The following TUBB6 variants were observed in gnomAD, a reference collection of about 807,000 sequenced individuals.
The protein encoded by TUBB6 is tubulin beta-6 chain.
TUBB6 carries 18 observed loss-of-function variants against 32.3 expected under a neutral mutation model. The ratio of observed to expected loss-of-function variants is 0.56; its 90% CI spans 0.39 to 0.83. The LOEUF is 0.83. TUBB6 is among the 40% of genes least tolerant of loss of function. The probability of loss-of-function intolerance (pLI) is 0.00; values close to 1 mark genes in which losing one functional copy is unlikely to be tolerated. For missense variants in TUBB6, 480 were observed against 632.0 expected (o/e 0.76, Z 2.58); for synonymous variants, 280 against 265.8 (o/e 1.05, Z -0.52).
intron 3 of TUBB6, chr18:12,324,703 G>A: frequency 1.9e-6 from 2 of 1,049,812 alleles, no homozygotes; most frequent in Non-Finnish European, 2.4e-6. Flanking sequence ...CACCCGCCTC[G>A]GCCTCCCAAA....
chr18:12,320,982 G>A (rs1906958175), intron 3 of TUBB6, among the ~76,000 whole-genome samples: 2 of 152,168 alleles, frequency 1.3e-5, no homozygotes, highest in African/African-American at 4.8e-5. Context: ...TGCAACTCAG[G>A]TGTTTGGATC....
chr18:12,313,725 C>T (rs1204558664), intron 3 of TUBB6, among the ~76,000 whole-genome samples: 1 of 152,222 alleles, frequency 6.6e-6, no homozygotes, highest in Non-Finnish European at 1.5e-5. Flanking sequence ...GGGAAAATAA[C>T]AGCTGTTCAG....
chr18:12,328,256 C>T (rs1339609484), downstream of TUBB6, among the ~76,000 whole-genome samples: 9 of 152,202 alleles, frequency 5.9e-5, no homozygotes, highest in Non-Finnish European at 7.3e-5. Flanking sequence ...ATTCTAAAGC[C>T]ACTGTTCCGA....
intron 3 of TUBB6, among the ~76,000 whole-genome samples, chr18:12,311,921 A>G (rs1338736000): frequency 6.6e-6 from 1 of 152,172 alleles, no homozygotes; most frequent in Non-Finnish European, 1.5e-5. Flanking sequence ...TATTGACATT[A>G]TTGCTAAAAA....
At chr18:12,329,645 G>A (rs117182113), downstream of TUBB6, 4,209 of 1,614,152 alleles carry the variant, frequency 2.6e-3, 6 homozygotes, top group Non-Finnish European at 3.3e-3. Context: ...CCTTCTGGAA[G>A]TGAGGTGTCC....
intron 3 of TUBB6, among the ~76,000 whole-genome samples, chr18:12,324,099 G>T (rs1413706988): frequency 4.6e-5 from 7 of 152,196 alleles, no homozygotes; most frequent in Admixed American, 4.6e-4. Flanking sequence ...GCCGGGCGCC[G>T]TGGCTCACGC....
At chr18:12,320,990 ATC>A (rs1906958725) in intron 3 of TUBB6, among the ~76,000 whole-genome samples, 1 of 152,176 alleles carries the variant, frequency 6.6e-6, no homozygotes, top group Non-Finnish European at 1.5e-5. Flanking sequence ...AGGTGTTTGG[ATC>A]TCTGTCAGTT....
chr18:12,325,439 T>C lies in TUBB6; in HGVS notation c.650T>C (p.Leu217Pro), dbSNP rs1322145392. 2 of 1,614,218 alleles carry C rather than the reference T, an allele frequency of 1.2e-6. No individual in the cohort carries two copies. Among genetic ancestry groups the C allele is most frequent in the South Asian group, 2.2e-5 (2 of 91,086 alleles). The stretch of plus-strand genomic sequence containing the variant: ...GACATCTGCTTCCGCACTCTGAAGC[T>C]GACAACGCCCACCTACGGGGACCTC... ...LYDICFRTLK[L>P]TTPTYGDLNH... The change falls in exon 4 of 4, where the codon CTG becomes CCG. Residue 217 changes from leucine to proline, a missense_variant. Coordinates refer to ENST00000317702, the MANE Select transcript of TUBB6 (RefSeq NM_032525.3).
chr18:12,329,219 A>G (rs1351363401), downstream of TUBB6: 17 of 702,674 alleles, frequency 2.4e-5, no homozygotes. Context: ...CCCTTCCCAC[A>G]CGCCAAGAGT....
rs146337370 is a variant in TUBB6, at chr18:12,319,396, C to T, written c.278-5671C>T. 4.3e-3 allele frequency among the ~76,000 whole-genome samples: 657 copies of T among 152,092 alleles called. 8 individuals carry two copies. The highest frequency in any genetic ancestry group is 0.015 in the African/African-American group (622 of 41,480). On this transcript the variant is annotated intron_variant, in intron 3 of 3. Transcript: ENST00000317702. ...CTGACCTCAGGTGATCCTCCTGTCT[C>T]GGCCTCCCAAAAGTACTGGGATTAC...
At chr18:12,313,811 A>G (rs1209486684) in intron 3 of TUBB6, among the ~76,000 whole-genome samples, 1 of 152,220 alleles carries the variant, frequency 6.6e-6, no homozygotes, top group African/African-American at 2.4e-5. Flanking sequence ...TTCTGCAGAA[A>G]TGCTCACACA....
chr18:12,326,358 C>T lies in TUBB6; in HGVS notation c.*228C>T. 1.7e-6 allele frequency: 1 copy of T among 597,608 alleles called. No individual in the cohort carries two copies. Among genetic ancestry groups the T allele is most frequent in the Non-Finnish European group, 2.8e-6 (1 of 362,812 alleles). The allele number at this position is 597,608 out of a possible 1,614,324, so 37.0% of individuals were successfully genotyped here. On this transcript the variant is annotated 3_prime_UTR_variant, in exon 4 of 4. Transcript: ENST00000317702. ...AAGATCACACCATGGAGACTTTCTA[C>T]TAGAGGACTTGAAAGAGAACTGAGG...
chr18:12,321,540 T>G (rs1340741178), intron 3 of TUBB6, among the ~76,000 whole-genome samples: 5 of 152,218 alleles, frequency 3.3e-5, no homozygotes, highest in African/African-American at 9.6e-5. Context: ...GCAGCCTTGG[T>G]GGTTTCACTG....
chr18:12,309,373 A>G (rs1906221037), intron 2 of TUBB6, among the ~76,000 whole-genome samples: 1 of 139,398 alleles, frequency 7.2e-6, no homozygotes, highest in Admixed American at 7.6e-5. Context: ...AGCGTTTCTC[A>G]AGGATCCTTG....
At chr18:12,328,531 T>G (rs1369407329), downstream of TUBB6, among the ~76,000 whole-genome samples, 3 of 152,216 alleles carry the variant, frequency 2.0e-5, no homozygotes, top group African/African-American at 7.2e-5. Context: ...ACTCCTGAGA[T>G]GTCCCCAGAG....
In TUBB6 at chr18:12,326,182, G is replaced by C; in HGVS notation, c.*52G>C. The C allele has an allele frequency of 6.4e-7, 1 of 1,565,730 alleles. No homozygotes were observed. The highest frequency in any genetic ancestry group is 1.3e-5 in the African/African-American group (1 of 74,208). ...TCCTACAACACGCAAGTTCCTTCTT[G>C]AACCCTGGTGCCTCCTACCCTATGG... On this transcript the variant is annotated 3_prime_UTR_variant, in exon 4 of 4. Coordinates refer to ENST00000317702, the MANE Select transcript of TUBB6 (RefSeq NM_032525.3).
intron 3 of TUBB6, among the ~76,000 whole-genome samples, chr18:12,324,225 C>T (rs896655921): frequency 2.0e-5 from 3 of 151,896 alleles, no homozygotes; most frequent in African/African-American, 7.2e-5. Context: ...AAAATATTAG[C>T]CAGGAGTGGT....
chr18:12,320,979 C>T lies in TUBB6; in HGVS notation c.278-4088C>T, dbSNP rs553053757. 8.5e-5 allele frequency among the ~76,000 whole-genome samples: 13 copies of T among 152,312 alleles called. 1 individual carries two copies. The South Asian group carries it at 2.5e-3, about 29-fold the overall frequency. The stretch of plus-strand genomic sequence containing the variant: ...TCCCCAAACCCTCAGCAGTGCAACT[C>T]AGGTGTTTGGATCTCTGTCAGTTTC... On this transcript the variant is annotated intron_variant, in intron 3 of 3. Transcript: ENST00000317702.
At position 12,311,176 on chromosome 18, in the gene TUBB6, G is replaced by A. The variant is rs1011702348; in HGVS notation, c.277+123G>A. The A allele has an allele frequency of 1.7e-5, 14 of 823,448 alleles. No homozygotes were observed. The African/African-American group carries it at 2.5e-4, about 14-fold the overall frequency. The allele number at this position is 823,448 out of a possible 1,614,324, so 51.0% of individuals were successfully genotyped here. The stretch of plus-strand genomic sequence containing the variant: ...TGTGAATGGAAATCAGTGGTTCCCA[G>A]CCCCACCCCTCCCATCCCTAGCTGG... On this transcript the variant is annotated intron_variant, in intron 3 of 3. Transcript: ENST00000317702.
Sources: gnomAD v4.1 joint callset for allele counts (sites outside exome capture counted in the v4.1 genomes callset) on GRCh38, gnomAD v4.1.1 for gene constraint, MANE v1.5 for transcripts, NCBI Gene and HGNC (gene_info 2026-07-23, HGNC 2026-07-21) for gene names.